The following SGMS1 variants were observed in gnomAD, a reference collection of about 807,000 sequenced individuals.
SGMS1 encodes the protein sphingomyelin synthase 1.
A neutral mutation model predicts 46.2 loss-of-function variants in SGMS1; 13 were observed. The observed-to-expected ratio is 0.28, with a 90% CI of 0.18 to 0.45. The LOEUF is 0.45. Among genes scored for constraint, SGMS1 ranks in the 20% least tolerant of loss-of-function variants. SGMS1 has a pLI of 1.00. For missense variants in SGMS1, 324 were observed against 519.9 expected (o/e 0.62, Z 3.66); for synonymous variants, 203 against 187.8 (o/e 1.08, Z -0.66).
chr10:50,372,587 G>C (rs767445265), intron 6 of SGMS1, among the ~76,000 whole-genome samples: 14 of 152,020 alleles, frequency 9.2e-5, no homozygotes, highest in Non-Finnish European at 1.9e-4. Flanking sequence ...CCAGCTACTC[G>C]GAGGCTGAGG....
rs116277155 is a variant in SGMS1 at position 50,399,157 on chromosome 10, G to T, written c.-232+34319C>A. ...CACTGAATTATATAGAAAATATACC[G>T]CAGTAAGTTGGTTTTTTAAATGACA... On this transcript the variant is annotated intron_variant, in intron 6 of 10. Transcript: ENST00000361781. Among the ~76,000 whole-genome samples the T allele has an allele frequency of 1.7e-3, 257 of 151,796 alleles. 1 individual carries two copies. Among genetic ancestry groups the T allele is most frequent in the African/African-American group, 6.0e-3 (246 of 41,274 alleles).
intron 5 of SGMS1, among the ~76,000 whole-genome samples, 197 bp downstream of exon 5, chr10:50,460,475 CA>C (rs1297709706): frequency 6.6e-6 from 1 of 152,198 alleles, no homozygotes; most frequent in Non-Finnish European, 1.5e-5. Flanking sequence ...CAGAGTTCAT[CA>C]AAGAGTGACG....
chr10:50,452,249 C>A (rs1837119497), intron 5 of SGMS1, among the ~76,000 whole-genome samples: 1 of 152,106 alleles, frequency 6.6e-6, no homozygotes, highest in African/African-American at 2.4e-5. Context: ...AAAGTCTCAG[C>A]CAACTTAGAG....
In SGMS1 at chr10:50,438,362, TGG is replaced by T. The variant is rs538015144; in HGVS notation, c.-312-4808_-312-4807del. ...TTTGAAAGTGCAGGCTGCCATTTTG[TGG>T]GCTGCCTACTGAGAGAGCCCCATGA... On this transcript the variant is annotated intron_variant, in intron 5 of 10. Transcript: ENST00000361781. 1.3e-4 allele frequency among the ~76,000 whole-genome samples: 20 copies of T among 152,340 alleles called. No homozygotes were observed. In the East Asian group the frequency reaches 3.9e-3, roughly 29 times the overall value.
rs917066331 is a variant in SGMS1 at position 50,344,501 on chromosome 10, G to A, written c.-231-156C>T. Among the ~76,000 whole-genome samples the A allele has an allele frequency of 2.4e-4, 36 of 152,136 alleles. 3 individuals carry two copies. On this transcript the variant is annotated intron_variant, in intron 6 of 10. Coordinates refer to ENST00000361781, the MANE Select transcript of SGMS1 (RefSeq NM_147156.4). ...CGTTTCAGGGACTACTGATTTCCTG[G>A]TTATTAGTCTTTTGCGACACACATT...
At chr10:50,498,139 C>T (rs775717448) in intron 3 of SGMS1, among the ~76,000 whole-genome samples, 7 of 152,122 alleles carry the variant, frequency 4.6e-5, no homozygotes, top group Non-Finnish European at 1.0e-4. Flanking sequence ...CTCAAGGTCT[C>T]AATGACTTGC....
intron 4 of SGMS1, among the ~76,000 whole-genome samples, chr10:50,464,630 C>T (rs574433420): frequency 1.4e-4 from 21 of 152,300 alleles, no homozygotes; most frequent in South Asian, 4.1e-4. Flanking sequence ...GACGGGGTTT[C>T]GCCATGTTGG....
chr10:50,324,326 C>T (rs1847496589), intron 8 of SGMS1, among the ~76,000 whole-genome samples: 1 of 152,152 alleles, frequency 6.6e-6, no homozygotes, highest in Non-Finnish European at 1.5e-5. Context: ...TGTATTTTTA[C>T]AGGGGCAATT....
intron 6 of SGMS1, chr10:50,418,382 A>T (rs1849207743): frequency 6.6e-6 from 1 of 152,248 alleles, no homozygotes; most frequent in African/African-American, 2.4e-5. Context: ...GCCCAGCCGG[A>T]CCTCAGAGGC....
At chr10:50,561,442 G>A (rs1014093885) in intron 2 of SGMS1, among the ~76,000 whole-genome samples, 1 of 152,170 alleles carries the variant, frequency 6.6e-6, no homozygotes, top group Admixed American at 6.5e-5. Context: ...CTGGGTTAGA[G>A]GATTTCTGGG....
chr10:50,586,168 G>C (rs1284214353), intron 2 of SGMS1, among the ~76,000 whole-genome samples: 2 of 152,168 alleles, frequency 1.3e-5, no homozygotes, highest in Non-Finnish European at 2.9e-5. Flanking sequence ...AATCCTCTGA[G>C]GAACACTTTC....
chr10:50,344,139 C>G lies in SGMS1; in HGVS notation c.-25G>C. 6.4e-7 allele frequency: 1 copy of G among 1,572,056 alleles called. No homozygotes were observed. The highest frequency in any genetic ancestry group is 1.2e-5 in the South Asian group (1 of 84,314). ...TTGTACTGGCAGACAGCAGGCAGTC[C>G]CCAGCTCTCTCTTGGCAGGTCAGCA... On this transcript the variant is annotated 5_prime_UTR_variant, in exon 7 of 11. Transcript: ENST00000361781.
At chr10:50,439,619 T>C (rs1849516748) in intron 5 of SGMS1, among the ~76,000 whole-genome samples, 1 of 152,196 alleles carries the variant, frequency 6.6e-6, no homozygotes, top group South Asian at 2.1e-4. Context: ...TTCATGACAC[T>C]ATAAAGCTCC....
intron 6 of SGMS1, among the ~76,000 whole-genome samples, chr10:50,409,291 C>T (rs1391086997): frequency 1.3e-5 from 2 of 152,156 alleles, no homozygotes; most frequent in South Asian, 2.1e-4. Context: ...ATATACAATA[C>T]ATTGTTGTTA....
intron 3 of SGMS1, among the ~76,000 whole-genome samples, chr10:50,503,162 T>C (rs1837676085): frequency 6.6e-6 from 1 of 152,222 alleles, no homozygotes; most frequent in African/African-American, 2.4e-5. Flanking sequence ...AGTAAAATTT[T>C]AGATGTTCAT....
intron 2 of SGMS1, among the ~76,000 whole-genome samples, chr10:50,581,865 A>C (rs1205061454): frequency 6.6e-6 from 1 of 152,210 alleles, no homozygotes; most frequent in Non-Finnish European, 1.5e-5. Context: ...TCACAGGTGA[A>C]GTTCTTGAAG....
At chr10:50,353,460 T>C (rs1848062918) in intron 6 of SGMS1, among the ~76,000 whole-genome samples, 1 of 152,302 alleles carries the variant, frequency 6.6e-6, no homozygotes, top group Non-Finnish European at 1.5e-5. Context: ...GAGCTATCTA[T>C]GACAAACCCA....
chr10:50,362,821 T>C (rs1295855431), intron 6 of SGMS1, among the ~76,000 whole-genome samples: 3 of 152,146 alleles, frequency 2.0e-5, no homozygotes, highest in Non-Finnish European at 4.4e-5. Context: ...TAAAGATAGA[T>C]GTGTTTAAAG....
chr10:50,492,668 T>G lies in SGMS1; in HGVS notation c.-497-25736A>C, dbSNP rs530660953. On this transcript the variant is annotated intron_variant, in intron 3 of 10. Transcript: ENST00000361781. Reference sequence around the variant, plus strand: ...GAAAGTCAGAGATGAAACAAACAAATGGAAAAATATTCTGTACTCATGGAT... The same window carrying G: ...GAAAGTCAGAGATGAAACAAACAAAGGGAAAAATATTCTGTACTCATGGAT... Among the ~76,000 whole-genome samples the G allele has an allele frequency of 3.9e-4, 59 of 152,174 alleles. 1 individual carries two copies. The highest frequency in any genetic ancestry group is 7.5e-4 in the Non-Finnish European group (51 of 68,000).
Sources: allele counts gnomAD v4.1 joint callset (sites outside exome capture counted in the v4.1 genomes callset), GRCh38; gene constraint gnomAD v4.1.1; transcripts MANE v1.5; gene names NCBI Gene and HGNC (gene_info 2026-07-23, HGNC 2026-07-21).